Variants in PCDHA7 observed in about 807,000 individuals in gnomAD.
PCDHA7 encodes protocadherin alpha 7, also known as protocadherin alpha-7.
PCDHA7 carries 37 observed loss-of-function variants against 57.2 expected under a neutral mutation model. The observed-to-expected ratio is 0.65, with a 90% CI of 0.50 to 0.85. The LOEUF is 0.85. Among genes scored for constraint, PCDHA7 ranks in the 40% least tolerant of loss-of-function variants. The pLI, the probability that PCDHA7 is intolerant of heterozygous loss-of-function variation, is 0.00. For missense variants in PCDHA7, 1,188 were observed against 1,241.8 expected, an observed-to-expected ratio of 0.96 and a Z score of 0.65; for synonymous variants, 553 against 558.8, an observed-to-expected ratio of 0.99 and a Z score of 0.15.
At chr5:140,850,138 A>T in intron 1 of PCDHA7, 1 of 1,595,694 alleles carries the variant, frequency 6.3e-7, no homozygotes, top group Non-Finnish European at 8.6e-7. Context: ...CTGGGCAGCA[A>T]CGTGACGCTG....
chr5:140,882,501 A>G lies in PCDHA7; in HGVS notation c.2355+45763A>G, dbSNP rs782169319. On this transcript the variant is annotated intron_variant, in intron 1 of 3. Transcript: ENST00000525929. Reference sequence around the variant, plus strand: ...AGACACGGGGACCTTCTGGAGGTAAATCTGCAGAATGGCATTTTGTTTGTG... The same window carrying G: ...AGACACGGGGACCTTCTGGAGGTAAGTCTGCAGAATGGCATTTTGTTTGTG... 1 of 1,614,098 alleles carries G rather than the reference A, an allele frequency of 6.2e-7. No individual in the cohort carries two copies. Among genetic ancestry groups the G allele is most frequent in the Non-Finnish European group, 8.5e-7 (1 of 1,180,032 alleles).
chr5:140,843,735 G>A lies in PCDHA7; in HGVS notation c.2355+6997G>A. On this transcript the variant is annotated intron_variant, in intron 1 of 3. Coordinates refer to ENST00000525929, the MANE Select transcript of PCDHA7 (RefSeq NM_018910.3). ...CTCAAAGTAAGTCCATTTAAATTTA[G>A]AACTCATAAATTCTATTTGTGGAAA... The A allele has an allele frequency of 1.9e-6, 3 of 1,548,326 alleles. 1 individual carries two copies. The highest frequency in any genetic ancestry group is 2.7e-6 in the Non-Finnish European group (3 of 1,128,282).
At chr5:140,929,051 G>A (rs1398009156) in intron 1 of PCDHA7, 2 of 1,614,170 alleles carry the variant, frequency 1.2e-6, no homozygotes, top group South Asian at 1.1e-5. Flanking sequence ...AGCTGCTGTC[G>A]CTCTACAGAG....
intron 1 of PCDHA7, among the ~76,000 whole-genome samples, chr5:140,910,576 C>T (rs1305355365): frequency 6.6e-6 from 1 of 152,174 alleles, no homozygotes; most frequent in African/African-American, 2.4e-5. Context: ...TTTTCTGGAT[C>T]CTCCCAGCTG....
At chr5:140,882,607 T>C (rs1313419888) in intron 1 of PCDHA7, 35 of 1,614,242 alleles carry the variant, frequency 2.2e-5, no homozygotes, top group Non-Finnish European at 3.0e-5. Flanking sequence ...TGGACAGGCC[T>C]CTGCAGGTTT....
At chr5:140,870,318 G>C in intron 1 of PCDHA7, 1 of 1,614,178 alleles carries the variant, frequency 6.2e-7, no homozygotes, top group Non-Finnish European at 8.5e-7. Flanking sequence ...ATTACTACTC[G>C]TTGGTGCTGG....
At chr5:140,853,598 C>T (rs889899754) in intron 1 of PCDHA7, 2 of 986,878 alleles carry the variant, frequency 2.0e-6, no homozygotes, top group Non-Finnish European at 2.4e-6. Context: ...ACTTTGAGAG[C>T]AAAGGGGGTG....
intron 3 of PCDHA7, 71 bp from the exon 4 acceptor site, chr5:141,009,556 A>T: frequency 6.4e-7 from 1 of 1,564,868 alleles, no homozygotes; most frequent in Non-Finnish European, 8.7e-7. Flanking sequence ...GTACTCCTGT[A>T]CTCTACCAGC....
At chr5:140,938,897 G>T (rs72800999) in intron 1 of PCDHA7, among the ~76,000 whole-genome samples, 1 of 151,198 alleles carries the variant, frequency 6.6e-6, no homozygotes, top group East Asian at 1.9e-4. Context: ...ACACAGATGC[G>T]CACACACACA....
chr5:140,854,357 G>A (rs251358), intron 1 of PCDHA7: 79,269 of 162,662 alleles, frequency 0.49, 22,300 homozygotes, highest in South Asian at 0.62. Context: ...TAAAACAAAC[G>A]TTGATATTTT....
chr5:140,957,826 G>A (rs1282608668), intron 1 of PCDHA7, among the ~76,000 whole-genome samples: 3 of 151,106 alleles, frequency 2.0e-5, no homozygotes, highest in East Asian at 3.9e-4. Flanking sequence ...TTAAGAGAAA[G>A]TGTTAATTGA....
chr5:140,849,612 A>C lies in PCDHA7; in HGVS notation c.2355+12874A>C, dbSNP rs2040992184. On this transcript the variant is annotated intron_variant, in intron 1 of 3. Transcript: ENST00000525929. ...ACTGGGGACAGTTATTGCCCTGATT[A>C]GTGTGATCGACCTAGACGCAGATGC... 5 of 1,598,736 alleles carry C rather than the reference A, an allele frequency of 3.1e-6. 2 individuals are homozygous for C. The highest frequency in any genetic ancestry group is 4.3e-6 in the Non-Finnish European group (5 of 1,167,986).
rs576274101 is a variant in PCDHA7 at position 140,846,411 on chromosome 5, A to C, written c.2355+9673A>C. On this transcript the variant is annotated intron_variant, in intron 1 of 3. Transcript: ENST00000525929. ...TTTTTTTGAGACGGAGTCTCGCTCTATCTCCCAGGCTGGAATGCAGTGGCG... is the reference window on the plus strand; with the variant it reads ...TTTTTTTGAGACGGAGTCTCGCTCTCTCTCCCAGGCTGGAATGCAGTGGCG... Among the ~76,000 whole-genome samples the C allele has an allele frequency of 2.7e-5, 3 of 109,350 alleles. 1 individual carries two copies. The South Asian group carries it at 8.0e-4, about 29-fold the overall frequency. The allele number at this position is 109,350 out of a possible 152,430, so 71.7% of individuals were successfully genotyped here.
At chr5:140,975,130 G>C (rs1445050521) in intron 1 of PCDHA7, among the ~76,000 whole-genome samples, 1 of 152,082 alleles carries the variant, frequency 6.6e-6, no homozygotes, top group Non-Finnish European at 1.5e-5. Flanking sequence ...CTTACTATTG[G>C]CCTGGGGTCA....
intron 1 of PCDHA7, among the ~76,000 whole-genome samples, chr5:140,898,159 G>A (rs377677002): frequency 1.3e-5 from 2 of 151,916 alleles, no homozygotes; most frequent in South Asian, 2.1e-4. Context: ...CGCTGATGGT[G>A]GTTTCTTTTG....
At chr5:141,005,520 G>A (rs34458028) in intron 3 of PCDHA7, among the ~76,000 whole-genome samples, 7,602 of 151,238 alleles carry the variant, frequency 0.05, 239 homozygotes, top group South Asian at 0.11. Flanking sequence ...TGGCTAACAC[G>A]GTGAAACCCC....
intron 1 of PCDHA7, chr5:140,926,974 G>T (rs145276602): frequency 2.2e-4 from 360 of 1,610,140 alleles, no homozygotes; most frequent in Middle Eastern, 1.2e-3. Context: ...CTCAGTGCCG[G>T]AGGAGACGGA....
intron 1 of PCDHA7, chr5:140,882,175 G>T: frequency 6.6e-7 from 1 of 1,515,152 alleles, no homozygotes; most frequent in Non-Finnish European, 8.8e-7. Flanking sequence ...GAATCCTTCC[G>T]CACTAGGAAG....
rs191251073 is a variant in PCDHA7, at chr5:140,928,748, G to A, written c.2356-50201G>A. 503 of 1,614,114 alleles carry A rather than the reference G, an allele frequency of 3.1e-4. 5 individuals carry two copies. The East Asian group carries it at 1.0e-2, about 32-fold the overall frequency. Reference sequence around the variant, plus strand: ...ATTTCAGCCAATATAGGTGAGCTCCGTACTGCTCGCTTAGTTCTTCCCACT... The same window carrying A: ...ATTTCAGCCAATATAGGTGAGCTCCATACTGCTCGCTTAGTTCTTCCCACT... On this transcript the variant is annotated intron_variant, in intron 1 of 3. Transcript: ENST00000525929.
Sources: allele counts gnomAD v4.1 joint callset (sites outside exome capture counted in the v4.1 genomes callset), GRCh38; gene constraint gnomAD v4.1.1; transcripts MANE v1.5; gene names NCBI Gene and HGNC (gene_info 2026-07-23, HGNC 2026-07-21).